ZNF718: variants seen among roughly 807,000 people sequenced by gnomAD.
ZNF718 encodes the protein zinc finger protein 718.
A neutral mutation model predicts 2.6 loss-of-function variants in ZNF718; 3 were observed. That is an observed-to-expected ratio of 1.16 (90% CI 0.53 to 3.01). ZNF718 has a LOEUF of 3.01. ZNF718 is among the 30% of genes most tolerant of loss of function. The pLI is 0.03. For synonymous variants in ZNF718, 135 were observed against 77.9 expected, an observed-to-expected ratio of 1.73 and a Z score of -3.86; for missense variants, 468 against 230.0, an observed-to-expected ratio of 2.03 and a Z score of -6.69.
intron 1 of ZNF718, among the ~76,000 whole-genome samples, chr4:130,514 G>T (rs1715323188): frequency 9.7e-6 from 1 of 102,754 alleles, no homozygotes; most frequent in Admixed American, 1.1e-4. Flanking sequence ...TTGGGAAGCC[G>T]AGGCAGGCGG....
At chr4:167,850 C>T (rs1717126684), downstream of ZNF718, among the ~76,000 whole-genome samples, 1 of 152,106 alleles carries the variant, frequency 6.6e-6, no homozygotes, top group Non-Finnish European at 1.5e-5. Flanking sequence ...ATTTCTTTCT[C>T]CTGCCTGATT....
At chr4:140,423 G>T (rs142301440) in intron 3 of ZNF718, among the ~76,000 whole-genome samples, 135 of 152,280 alleles carry the variant, frequency 8.9e-4, no homozygotes, top group African/African-American at 3.1e-3. Context: ...TTGGAATTTG[G>T]AGTTTACTGT....
chr4:149,158 T>C (rs1716204308), intron 3 of ZNF718, among the ~76,000 whole-genome samples: 1 of 152,236 alleles, frequency 6.6e-6, no homozygotes, highest in Non-Finnish European at 1.5e-5. Flanking sequence ...TGATATGTTC[T>C]ATGCCAAATT....
Position 183,397 on chromosome 4 carries a change from C to T in ZNF718, c.227-17684C>T, listed in dbSNP as rs1717505117. Among the ~76,000 whole-genome samples, 3 of 152,182 alleles carry T rather than the reference C, an allele frequency of 2.0e-5. No homozygotes were observed. The South Asian group carries it at 6.2e-4, about 32-fold the overall frequency. ...TACCAGTACCATGCTATTTTGGTTT[C>T]TGTAGCCCTGGAGTATAGTTTCAAG... On this transcript the variant is annotated intron_variant and NMD_transcript_variant, in intron 3 of 4. Transcript: ENST00000642529.
chr4:139,184 A>G lies in ZNF718; in HGVS notation c.226+7679A>G, dbSNP rs186150986. Among the ~76,000 whole-genome samples, 50 of 152,314 alleles carry G rather than the reference A, an allele frequency of 3.3e-4. 1 individual carries two copies. Among genetic ancestry groups the G allele is most frequent in the African/African-American group, 9.1e-4 (38 of 41,578 alleles). ...TGCCTGTGCTTGTGGGGTATTACTC[A>G]AGACATCTTTGTTCAGTTTAATTTC... On this transcript the variant is annotated intron_variant, in intron 3 of 3. Transcript: ENST00000510175.
At chr4:151,599 G>T (rs1267675311) in intron 3 of ZNF718, among the ~76,000 whole-genome samples, 1 of 152,026 alleles carries the variant, frequency 6.6e-6, no homozygotes, top group South Asian at 2.1e-4. Flanking sequence ...TCCTGCCTCA[G>T]CCTCGCAAGT....
At chr4:148,493 C>T (rs1716165987) in intron 3 of ZNF718, among the ~76,000 whole-genome samples, 2 of 151,622 alleles carry the variant, frequency 1.3e-5, no homozygotes, top group Non-Finnish European at 2.9e-5. Flanking sequence ...TCTGTAATCC[C>T]GCTTACTCAG....
At chr4:140,618 G>A (rs553013002) in intron 3 of ZNF718, among the ~76,000 whole-genome samples, 1 of 152,236 alleles carries the variant, frequency 6.6e-6, no homozygotes, top group South Asian at 2.1e-4. Context: ...CAAAATTTTG[G>A]TTCACAGCCT....
chr4:136,610 A>C (rs563105980), intron 3 of ZNF718, among the ~76,000 whole-genome samples: 1 of 152,326 alleles, frequency 6.6e-6, no homozygotes, highest in Admixed American at 6.5e-5. Flanking sequence ...GAGGTTTCAC[A>C]ACCCTAGCCA....
chr4:162,956 C>G lies in ZNF718; in HGVS notation c.*834C>G, dbSNP rs566799245. On this transcript the variant is annotated 3_prime_UTR_variant, in exon 4 of 4. Coordinates refer to ENST00000510175, the MANE Select transcript of ZNF718 (RefSeq NM_001039127.6). The stretch of plus-strand genomic sequence containing the variant: ...TGTAAAGTATAAAAAAATTCCAAAG[C>G]TGAAACTGTTAGATAATTTCTTTCT... The G allele has an allele frequency of 6.6e-6, 1 of 152,084 alleles. No individual in the cohort carries two copies. Among genetic ancestry groups the G allele is most frequent in the African/African-American group, 2.4e-5 (1 of 41,424 alleles). 9.4% of individuals were successfully genotyped at this position (152,084 alleles called of 1,614,324 possible). A position where few individuals can be genotyped will look rare whatever the true frequency, so the allele number is the denominator to read the frequency against.
intron 3 of ZNF718, among the ~76,000 whole-genome samples, chr4:154,981 C>T (rs1716496598): frequency 6.6e-6 from 1 of 152,138 alleles, no homozygotes; most frequent in South Asian, 2.1e-4. Flanking sequence ...GCCCTGTGTC[C>T]CAGCTACTCT....
chr4:157,275 G>A (rs1318935858), intron 3 of ZNF718, among the ~76,000 whole-genome samples: 1 of 151,676 alleles, frequency 6.6e-6, no homozygotes, highest in African/African-American at 2.4e-5. Flanking sequence ...ACCATGCCCA[G>A]CTAATTTTGT....
intron 3 of ZNF718, 74 bp from the exon 4 acceptor site, chr4:160,838 A>G: frequency 5.9e-6 from 4 of 676,398 alleles, no homozygotes; most frequent in Admixed American, 2.3e-5. Context: ...GGCTTGAGCT[A>G]TAGTGCCTGG....
At position 161,856 on chromosome 4, in the gene ZNF718, G is replaced by A; in HGVS notation, c.1171G>A (p.Gly391Arg). ...TAATGTACACAAGAGAATTCACTCT[G>A]GAAAAAATCCCTACAAATGTGAAGA... ...TLNVHKRIHSGKNPYKCEDCG... is the reference protein window; with the variant it reads ...TLNVHKRIHSRKNPYKCEDCG... Residue 391 changes from glycine to arginine, a missense_variant, in exon 4 of 4, where the codon GGA becomes AGA. Transcript: ENST00000510175. 1.3e-6 allele frequency: 1 copy of A among 780,646 alleles called. No individual in the cohort carries two copies. Among genetic ancestry groups the A allele is most frequent in the Non-Finnish European group, 2.4e-6 (1 of 417,952 alleles). The allele number at this position is 780,646 out of a possible 1,614,324, so 48.4% of individuals were successfully genotyped here. A position where few individuals can be genotyped will look rare whatever the true frequency, so the allele number is the denominator to read the frequency against.
intron 3 of ZNF718, among the ~76,000 whole-genome samples, chr4:176,611 T>C (rs1047178016): frequency 2.0e-5 from 3 of 152,050 alleles, no homozygotes; most frequent in Non-Finnish European, 2.9e-5. Context: ...TTTTAACTCC[T>C]GAACCATGTA....
At chr4:133,368 C>T (rs1425333945) in intron 3 of ZNF718, among the ~76,000 whole-genome samples, 2 of 151,874 alleles carry the variant, frequency 1.3e-5, no homozygotes, top group Non-Finnish European at 2.9e-5. Context: ...ATCTACTCAC[C>T]TTCTAGATTT....
intron 3 of ZNF718, among the ~76,000 whole-genome samples, chr4:169,169 A>G (rs1450242033): frequency 3.3e-5 from 5 of 152,096 alleles, no homozygotes; most frequent in Admixed American, 1.3e-4. Context: ...GGTTTTGAGT[A>G]AGTTTCTTAA....
intron 3 of ZNF718, among the ~76,000 whole-genome samples, chr4:199,234 G>A (rs1391244246): frequency 2.0e-5 from 3 of 152,214 alleles, no homozygotes; most frequent in Non-Finnish European, 2.9e-5. Flanking sequence ...CTGTCTTTGA[G>A]CCTAGCCTTT....
intron 3 of ZNF718, among the ~76,000 whole-genome samples, chr4:153,626 C>G (rs1553813066): frequency 6.6e-6 from 1 of 151,908 alleles, no homozygotes; most frequent in Non-Finnish European, 1.5e-5. Context: ...ATGAAGTTTG[C>G]TGCTAGACAT....
Sources: allele counts gnomAD v4.1 joint callset (sites outside exome capture counted in the v4.1 genomes callset), GRCh38; gene constraint gnomAD v4.1.1; transcripts MANE v1.5; gene names NCBI Gene and HGNC (gene_info 2026-07-23, HGNC 2026-07-21).